Variants in PCDH11X observed in about 807,000 individuals in gnomAD.
PCDH11X encodes protocadherin-11 X-linked.
PCDH11X carries 18 observed loss-of-function variants against 53.3 expected under a neutral mutation model. The ratio of observed to expected loss-of-function variants is 0.34; its 90% CI spans 0.23 to 0.50. The LOEUF (loss-of-function observed/expected upper bound fraction) is 0.50, where lower values mean the gene tolerates loss of function less well. Ranked by LOEUF, PCDH11X falls within the 20% of genes least tolerant of loss-of-function variation. The probability of loss-of-function intolerance (pLI) is 0.98; values close to 1 mark genes in which losing one functional copy is unlikely to be tolerated. For missense variants in PCDH11X, 570 were observed against 1,032.4 expected (o/e 0.55, Z 6.14); for synonymous variants, 279 against 393.3 (o/e 0.71, Z 3.44).
chrX:91,989,613 T>C (rs2062287465), intron 6 of PCDH11X, among the ~76,000 whole-genome samples: 1 of 107,791 alleles, frequency 9.3e-6, no homozygotes, highest in African/African-American at 3.4e-5. Context: ...AAGGAAACAA[T>C]ACAGAATGTA....
At chrX:92,605,956 G>A (rs1397203561) in intron 10 of PCDH11X, among the ~76,000 whole-genome samples, 1 of 110,848 alleles carries the variant, frequency 9.0e-6, no homozygotes, top group Non-Finnish European at 1.9e-5. Flanking sequence ...CTGGAGCTGG[G>A]TGCAGTGGCT....
chrX:91,908,287 C>A (rs766816628), intron 6 of PCDH11X, among the ~76,000 whole-genome samples: 2 of 111,335 alleles, frequency 1.8e-5, no homozygotes, highest in South Asian at 7.5e-4. Flanking sequence ...AATATCCAGC[C>A]TCTATAAGAA....
At chrX:92,216,067 T>A (rs2066703137) in intron 7 of PCDH11X, among the ~76,000 whole-genome samples, 1 of 108,826 alleles carries the variant, frequency 9.2e-6, no homozygotes, top group African/African-American at 3.3e-5. Context: ...GTCACCATCA[T>A]CAAAGACCAA....
intron 6 of PCDH11X, among the ~76,000 whole-genome samples, chrX:92,195,099 G>T (rs1335543374): frequency 9.0e-6 from 1 of 111,262 alleles, no homozygotes; most frequent in Non-Finnish European, 1.9e-5. Flanking sequence ...AAGAGCAAGA[G>T]GCTTTATAAG....
chrX:92,277,778 G>A (rs2068139729), intron 8 of PCDH11X, among the ~76,000 whole-genome samples: 1 of 110,647 alleles, frequency 9.0e-6, no homozygotes, highest in African/African-American at 3.3e-5. Flanking sequence ...CTAGAAAAGT[G>A]GGACTTGCCA....
intron 6 of PCDH11X, among the ~76,000 whole-genome samples, chrX:91,885,555 A>G (rs1453945145): frequency 1.8e-5 from 2 of 109,354 alleles, no homozygotes; most frequent in Non-Finnish European, 3.8e-5. Context: ...ATGCATTTGC[A>G]TTTTTATTGC....
intron 8 of PCDH11X, among the ~76,000 whole-genome samples, chrX:92,353,787 A>G (rs370008077): frequency 3.6e-5 from 4 of 110,829 alleles, no homozygotes; most frequent in African/African-American, 1.3e-4. Context: ...ACTGCTATCA[A>G]TGTTATTTAT....
At chrX:92,492,573 G>T (rs752716739) in intron 10 of PCDH11X, among the ~76,000 whole-genome samples, 3 of 111,335 alleles carry the variant, frequency 2.7e-5, no homozygotes, top group South Asian at 7.5e-4. Context: ...TTAATGAGCT[G>T]AAGTAAAACT....
chrX:92,150,382 CA>C (rs1309191276), intron 6 of PCDH11X, among the ~76,000 whole-genome samples: 1 of 109,713 alleles, frequency 9.1e-6, no homozygotes, highest in African/African-American at 3.3e-5. Context: ...ATTTTTCATC[CA>C]TTTTTTTTTT....
Position 91,812,536 on chromosome X carries a change from G to C in PCDH11X, c.-45+1241G>C, listed in dbSNP as rs751358671. 1.2e-4 allele frequency among the ~76,000 whole-genome samples: 13 copies of C among 110,775 alleles called. 1 individual carries two copies. The highest frequency in any genetic ancestry group is 9.2e-3 in the Middle Eastern group (2 of 217). On this transcript the variant is annotated intron_variant, in intron 4 of 10. Coordinates refer to ENST00000682573, the MANE Select transcript of PCDH11X (RefSeq NM_032968.5). ...TGTTAGTTTTCCCAGATTTCTCCCTGTTCTCTTTGTGTGTCTATAATTCTT... is the reference window on the plus strand; with the variant it reads ...TGTTAGTTTTCCCAGATTTCTCCCTCTTCTCTTTGTGTGTCTATAATTCTT...
At position 92,435,234 on chromosome X, in the gene PCDH11X, G is replaced by GA. The variant is rs1034855955; in HGVS notation, c.3344-33056dup. ...AAATAAGACAATTAGACAAAATTAA[G>GA]AAAAAAAAAGAATAAAAAGGAATGG... On this transcript the variant is annotated intron_variant, in intron 9 of 10. Coordinates refer to ENST00000682573, the MANE Select transcript of PCDH11X (RefSeq NM_032968.5). 4.8e-4 allele frequency among the ~76,000 whole-genome samples: 52 copies of GA among 108,387 alleles called. 1 individual carries two copies. The South Asian group carries it at 5.9e-3, about 12-fold the overall frequency. 94.1% of individuals were successfully genotyped at this position (108,387 alleles called of 115,157 possible). A position where few individuals can be genotyped will look rare whatever the true frequency, so the allele number is the denominator to read the frequency against.
At chrX:92,150,382 C>G (rs1322103696) in intron 6 of PCDH11X, among the ~76,000 whole-genome samples, 1 of 109,673 alleles carries the variant, frequency 9.1e-6, no homozygotes, top group Non-Finnish European at 1.9e-5. Context: ...ATTTTTCATC[C>G]ATTTTTTTTT....
chrX:92,364,668 CTT>C (rs1401415290), intron 8 of PCDH11X, among the ~76,000 whole-genome samples: 1 of 109,698 alleles, frequency 9.1e-6, no homozygotes, highest in African/African-American at 3.3e-5. Context: ...ACCTCGTAAA[CTT>C]TTATTTTTTT....
chrX:92,358,098 G>T (rs2070254178), intron 8 of PCDH11X, among the ~76,000 whole-genome samples: 1 of 106,582 alleles, frequency 9.4e-6, no homozygotes, highest in East Asian at 3.1e-4. Flanking sequence ...AGGGCAATAT[G>T]GACTTTGGTT....
Position 92,019,206 on chromosome X carries a change from G to A in PCDH11X, c.3033+139933G>A, listed in dbSNP as rs542021563. 1.1e-4 allele frequency among the ~76,000 whole-genome samples: 12 copies of A among 108,847 alleles called. No individual in the cohort carries two copies. The South Asian group carries it at 2.9e-3, about 26-fold the overall frequency. 94.5% of individuals were successfully genotyped at this position (108,847 alleles called of 115,157 possible). On this transcript the variant is annotated intron_variant, in intron 6 of 10. Coordinates refer to ENST00000682573, the MANE Select transcript of PCDH11X (RefSeq NM_032968.5). ...CCCCGGTGACCCCAGGAGAACGGGC[G>A]AGTTAAACTGTCAAGGAGTAACCTG...
chrX:92,459,932 G>T, intron 9 of PCDH11X: 1 of 1,182,178 alleles, frequency 8.5e-7, no homozygotes, highest in Non-Finnish European at 1.1e-6. Flanking sequence ...CTGAACGACC[G>T]CCTGGCCTCT....
chrX:92,409,456 T>C (rs2071597273), intron 9 of PCDH11X, among the ~76,000 whole-genome samples: 1 of 112,289 alleles, frequency 8.9e-6, no homozygotes. Flanking sequence ...TAAAGCACTA[T>C]TTTCTTCTTG....
chrX:92,106,174 TTA>T (rs1398402120), intron 6 of PCDH11X, among the ~76,000 whole-genome samples: 1 of 108,607 alleles, frequency 9.2e-6, no homozygotes, highest in East Asian at 2.9e-4. Flanking sequence ...TAGAATCAAT[TTA>T]TCTAGCTCTA....
intron 10 of PCDH11X, among the ~76,000 whole-genome samples, chrX:92,609,947 G>A (rs950219612): frequency 5.4e-5 from 6 of 111,627 alleles, no homozygotes; most frequent in Admixed American, 9.5e-5. Flanking sequence ...TAAAGACTGC[G>A]TATATCCTAT....
Sources: gnomAD v4.1 joint callset for allele counts (sites outside exome capture counted in the v4.1 genomes callset) on GRCh38, gnomAD v4.1.1 for gene constraint, MANE v1.5 for transcripts, NCBI Gene and HGNC (gene_info 2026-07-23, HGNC 2026-07-21) for gene names.